Variants in XKR9 observed in about 807,000 individuals in gnomAD.
XKR9 encodes the protein XK related 9, also known as XK-related protein 9.
Under a neutral mutation model 32.0 loss-of-function variants are expected in XKR9, and 32 were observed. The observed-to-expected ratio is 1.00, with a 90% CI of 0.76 to 1.34. The LOEUF (loss-of-function observed/expected upper bound fraction) is 1.34, where lower values mean the gene tolerates loss of function less well. Ranked by LOEUF, XKR9 falls within the 40% of genes most tolerant of loss-of-function variation. The pLI is 0.00. For synonymous variants in XKR9, 168 were observed against 143.4 expected (o/e 1.17, Z -1.22); for missense variants, 546 against 429.7 (o/e 1.27, Z -2.39).
the XKR9 span, among the ~76,000 whole-genome samples, chr8:71,000,924 A>G: frequency 1.3e-5 from 2 of 152,364 alleles, no homozygotes; most frequent in African/African-American, 4.8e-5. Context: ...GAAGGGTAAC[A>G]AGAGTTAGCA....
intron 2 of XKR9, among the ~76,000 whole-genome samples, chr8:70,788,681 A>G (rs994451500): frequency 2.0e-5 from 3 of 152,178 alleles, no homozygotes; most frequent in Admixed American, 6.6e-5. Flanking sequence ...TAGCTTATGT[A>G]TATAACTTCT....
chr8:70,727,612 C>A (rs1183712761), intron 4 of XKR9, among the ~76,000 whole-genome samples: 1 of 151,958 alleles, frequency 6.6e-6, no homozygotes, highest in Non-Finnish European at 1.5e-5. Context: ...ATTGGCCAGG[C>A]TGGTCTTGAA....
chr8:70,802,329 G>A, the XKR9 span, among the ~76,000 whole-genome samples: 2 of 152,156 alleles, frequency 1.3e-5, no homozygotes, highest in African/African-American at 4.8e-5. Flanking sequence ...CTGTTTGTTT[G>A]GTAGATTTTT....
the XKR9 span, among the ~76,000 whole-genome samples, chr8:70,925,931 T>G: frequency 1.3e-5 from 2 of 152,180 alleles, no homozygotes; most frequent in South Asian, 2.1e-4. Flanking sequence ...TCAGACTGAT[T>G]TATAGAACAC....
At chr8:70,693,488 T>C (rs926877692) in intron 3 of XKR9, among the ~76,000 whole-genome samples, 1 of 152,250 alleles carries the variant, frequency 6.6e-6, no homozygotes, top group South Asian at 2.1e-4. Context: ...CCTTGAGTAC[T>C]GGCTGTAGTT....
chr8:71,058,540 G>A, the XKR9 span, among the ~76,000 whole-genome samples: 1 of 152,188 alleles, frequency 6.6e-6, no homozygotes, highest in South Asian at 2.1e-4. Context: ...TGGGAAGAAA[G>A]CAATAAGATT....
the XKR9 span, among the ~76,000 whole-genome samples, chr8:70,994,942 G>GA: frequency 2.0e-5 from 3 of 152,100 alleles, no homozygotes; most frequent in Admixed American, 2.0e-4. Context: ...CTATATGGGG[G>GA]AACTAATGTA....
At chr8:71,051,957 G>A in the XKR9 span, among the ~76,000 whole-genome samples, 7 of 152,322 alleles carry the variant, frequency 4.6e-5, no homozygotes, top group Non-Finnish European at 7.3e-5. Context: ...AGCTCTATGA[G>A]GAGACAGTGG....
the XKR9 span, among the ~76,000 whole-genome samples, chr8:70,995,662 A>C: frequency 6.6e-6 from 1 of 152,174 alleles, no homozygotes; most frequent in Non-Finnish European, 1.5e-5. Flanking sequence ...TTCTTTGAAT[A>C]TGCCTACTTC....
chr8:70,929,088 C>T, the XKR9 span, among the ~76,000 whole-genome samples: 1 of 152,232 alleles, frequency 6.6e-6, no homozygotes, highest in East Asian at 1.9e-4. Flanking sequence ...TCCATAAATG[C>T]AACACAATAA....
the XKR9 span, among the ~76,000 whole-genome samples, chr8:70,862,944 G>A: frequency 6.6e-6 from 1 of 152,186 alleles, no homozygotes; most frequent in African/African-American, 2.4e-5. Flanking sequence ...CAGGAGATAA[G>A]GAGAATATTC....
chr8:70,838,848 C>A, the XKR9 span, among the ~76,000 whole-genome samples: 1 of 151,990 alleles, frequency 6.6e-6, no homozygotes, highest in Non-Finnish European at 1.5e-5. Flanking sequence ...GTAGAAAAAA[C>A]TAGTTAAGAG....
chr8:70,755,273 G>A (rs1304223279), intron 2 of XKR9, among the ~76,000 whole-genome samples: 1 of 152,158 alleles, frequency 6.6e-6, no homozygotes, highest in African/African-American at 2.4e-5. Context: ...GTGCTGGAGA[G>A]GATGTGGAGA....
downstream of XKR9, among the ~76,000 whole-genome samples, chr8:70,736,419 C>T (rs1167057990): frequency 1.3e-5 from 2 of 151,978 alleles, no homozygotes; most frequent in Non-Finnish European, 2.9e-5. Context: ...TTGTAGGTTG[C>T]CTGTTCACTC....
intron 2 of XKR9, among the ~76,000 whole-genome samples, chr8:70,776,000 C>T (rs973349166): frequency 2.4e-4 from 36 of 152,264 alleles, no homozygotes; most frequent in African/African-American, 8.4e-4. Context: ...CCCATCTCAG[C>T]CTCCCAAATT....
chr8:70,767,620 C>T (rs180673871), intron 2 of XKR9, among the ~76,000 whole-genome samples: 310 of 151,458 alleles, frequency 2.0e-3, no homozygotes, highest in Non-Finnish European at 2.5e-3. Flanking sequence ...CCTCAGCCTC[C>T]CAAGTAGCTG....
chr8:70,933,962 T>C, the XKR9 span, among the ~76,000 whole-genome samples: 1 of 151,958 alleles, frequency 6.6e-6, no homozygotes, highest in African/African-American at 2.4e-5. Context: ...ATTTTGTGGA[T>C]GAGAAACCAA....
the XKR9 span, among the ~76,000 whole-genome samples, chr8:70,960,912 T>A: frequency 6.7e-6 from 1 of 149,436 alleles, no homozygotes; most frequent in Admixed American, 6.7e-5. Flanking sequence ...GGGCACCGTG[T>A]AATCTCCAGC....
At chr8:71,000,546 A>T in the XKR9 span, among the ~76,000 whole-genome samples, 68 of 152,316 alleles carry the variant, frequency 4.5e-4, no homozygotes, top group Admixed American at 1.2e-3. Context: ...AAAAGACTGG[A>T]TTATATAAAA....
Sources: gnomAD v4.1 joint callset for allele counts (sites outside exome capture counted in the v4.1 genomes callset) on GRCh38, gnomAD v4.1.1 for gene constraint, MANE v1.5 for transcripts, NCBI Gene and HGNC (gene_info 2026-07-23, HGNC 2026-07-21) for gene names.